The following PLCB4 variants were observed in gnomAD, a reference collection of about 807,000 sequenced individuals.
PLCB4 encodes the protein phospholipase C beta 4, also known as 1-phosphatidylinositol 4,5-bisphosphate phosphodiesterase beta-4.
A neutral mutation model predicts 178.8 loss-of-function variants in PLCB4; 77 were observed. The ratio of observed to expected loss-of-function variants is 0.43; its 90% CI spans 0.36 to 0.52. The LOEUF is 0.52. Among genes scored for constraint, PLCB4 ranks in the 20% least tolerant of loss-of-function variants. PLCB4 has a pLI of 0.00. For missense variants in PLCB4, 1,024 were observed against 1,453.4 expected (o/e 0.70, Z 4.80); for synonymous variants, 496 against 490.8 (o/e 1.01, Z -0.14).
At chr20:9,346,443 A>T (rs2033802560) in intron 7 of PLCB4, among the ~76,000 whole-genome samples, 1 of 152,216 alleles carries the variant, frequency 6.6e-6, no homozygotes, top group Non-Finnish European at 1.5e-5. Flanking sequence ...CTAAATTGTA[A>T]ATCTGAACTG....
At chr20:9,310,474 G>T (rs1043033023) in intron 4 of PLCB4, among the ~76,000 whole-genome samples, 5 of 152,120 alleles carry the variant, frequency 3.3e-5, no homozygotes, top group Admixed American at 6.6e-5. Context: ...ACTTTGGGAG[G>T]CCAGGGTGGG....
intron 3 of PLCB4, among the ~76,000 whole-genome samples, chr20:9,286,465 A>G (rs966324444): frequency 6.6e-6 from 1 of 152,036 alleles, no homozygotes; most frequent in Admixed American, 6.6e-5. Context: ...GTTTACATCT[A>G]TTTCTTCAGG....
Position 9,373,110 on chromosome 20 carries a change from CT to C in PLCB4, c.744+11del. 1.4e-6 allele frequency: 2 copies of C among 1,409,880 alleles called. No homozygotes were observed. The highest frequency in any genetic ancestry group is 2.0e-6 in the Non-Finnish European group (2 of 997,986). The allele number at this position is 1,409,880 out of a possible 1,614,324, so 87.3% of individuals were successfully genotyped here. A position where few individuals can be genotyped will look rare whatever the true frequency, so the allele number is the denominator to read the frequency against. Reference sequence around the variant, plus strand: ...TAGTGAGCTTTCTAAATGAAGTAAGCTTTTTCATACATTAACTCCATAAAGT... The same window carrying C: ...TAGTGAGCTTTCTAAATGAAGTAAGCTTTTCATACATTAACTCCATAAAGT... On this transcript the variant is annotated splice_region_variant and intron_variant, in intron 12 of 39. Coordinates refer to ENST00000378473, the MANE Select transcript of PLCB4 (RefSeq NM_001377142.1).
At chr20:9,407,078 G>A (rs767895181) in intron 21 of PLCB4, among the ~76,000 whole-genome samples, 9 of 152,098 alleles carry the variant, frequency 5.9e-5, no homozygotes, top group South Asian at 2.1e-4. Flanking sequence ...TATAAACCAC[G>A]TATGTATGTT....
At chr20:9,286,885 A>G (rs1367094498) in intron 3 of PLCB4, among the ~76,000 whole-genome samples, 1 of 151,956 alleles carries the variant, frequency 6.6e-6, no homozygotes, top group Non-Finnish European at 1.5e-5. Flanking sequence ...TTCCATGGTC[A>G]CCTTCCTGGA....
At chr20:9,289,535 T>C (rs1369778275) in intron 3 of PLCB4, among the ~76,000 whole-genome samples, 1 of 152,060 alleles carries the variant, frequency 6.6e-6, no homozygotes, top group Non-Finnish European at 1.5e-5. Context: ...AAGTGGAAAA[T>C]TGGAAACTGA....
intron 2 of PLCB4, among the ~76,000 whole-genome samples, chr20:9,216,653 C>A (rs781447389): frequency 6.3e-4 from 75 of 119,110 alleles, no homozygotes; most frequent in Middle Eastern, 8.4e-3. Flanking sequence ...GCACGCACCA[C>A]CACACTTGGC....
chr20:9,245,175 A>G (rs1034252829), intron 3 of PLCB4, among the ~76,000 whole-genome samples: 3 of 152,168 alleles, frequency 2.0e-5, no homozygotes, highest in African/African-American at 7.2e-5. Flanking sequence ...AAGTAGGCAA[A>G]GTCTCTTGAG....
chr20:9,143,726 A>G (rs928033857), intron 2 of PLCB4, among the ~76,000 whole-genome samples: 1 of 152,134 alleles, frequency 6.6e-6, no homozygotes, highest in African/African-American at 2.4e-5. Context: ...AGGAGATTAT[A>G]CTATACAGGG....
At chr20:9,303,400 T>C (rs2094727946) in intron 3 of PLCB4, among the ~76,000 whole-genome samples, 1 of 152,236 alleles carries the variant, frequency 6.6e-6, no homozygotes, top group Non-Finnish European at 1.5e-5. Context: ...TGAGTTCAAC[T>C]GTTATAGATT....
chr20:9,106,482 T>G (rs1025925360), intron 2 of PLCB4, among the ~76,000 whole-genome samples: 1 of 151,442 alleles, frequency 6.6e-6, no homozygotes, highest in Non-Finnish European at 1.5e-5. Context: ...TAAAAATAAG[T>G]AGCCAGAAAT....
chr20:9,118,495 A>G (rs1265283508), intron 2 of PLCB4, among the ~76,000 whole-genome samples: 1 of 152,074 alleles, frequency 6.6e-6, no homozygotes, highest in Non-Finnish European at 1.5e-5. Flanking sequence ...TTCATGCATA[A>G]TCAATATAAA....
intron 1 of PLCB4, among the ~76,000 whole-genome samples, chr20:9,078,510 T>C (rs6108252): frequency 0.62 from 94,043 of 151,138 alleles, 29,338 homozygotes; most frequent in South Asian, 0.72. Context: ...TACAGGTGTG[T>C]GCCACCAAGC....
At chr20:9,470,400 G>A (rs544453924) in intron 36 of PLCB4, among the ~76,000 whole-genome samples, 45 of 152,072 alleles carry the variant, frequency 3.0e-4, no homozygotes, top group African/African-American at 1.1e-3. Context: ...TTGTTTAAGG[G>A]CCTTATATAC....
intron 35 of PLCB4, among the ~76,000 whole-genome samples, chr20:9,468,349 T>A (rs2043946630): frequency 6.6e-6 from 1 of 152,160 alleles, no homozygotes. Context: ...CAGAAGTATT[T>A]TTGTTTTTTT....
At chr20:9,102,170 T>A (rs2091182401) in intron 2 of PLCB4, among the ~76,000 whole-genome samples, 1 of 152,164 alleles carries the variant, frequency 6.6e-6, no homozygotes, top group South Asian at 2.1e-4. Flanking sequence ...GAGTGAGTTT[T>A]TAATCCTCTT....
intron 2 of PLCB4, among the ~76,000 whole-genome samples, chr20:9,116,103 C>T (rs1453121207): frequency 1.3e-5 from 2 of 151,860 alleles, no homozygotes; most frequent in Non-Finnish European, 2.9e-5. Flanking sequence ...TTATTCTTCA[C>T]TTATAAAATT....
intron 12 of PLCB4, among the ~76,000 whole-genome samples, chr20:9,377,523 G>A (rs2148331888): frequency 6.6e-6 from 1 of 152,188 alleles, no homozygotes; most frequent in South Asian, 2.1e-4. Context: ...ATTGATTTGT[G>A]TTACCTTTTT....
chr20:9,227,999 C>T (rs2093888201), intron 3 of PLCB4, among the ~76,000 whole-genome samples: 1 of 152,116 alleles, frequency 6.6e-6, no homozygotes, highest in African/African-American at 2.4e-5. Context: ...TAAAGTTTTA[C>T]ATTCTAGAAG....
Sources: gnomAD v4.1 joint callset for allele counts (sites outside exome capture counted in the v4.1 genomes callset) on GRCh38, gnomAD v4.1.1 for gene constraint, MANE v1.5 for transcripts, NCBI Gene and HGNC (gene_info 2026-07-23, HGNC 2026-07-21) for gene names.